Variants in MAML2 observed in about 807,000 individuals in gnomAD.
MAML2 encodes the protein mastermind-like protein 2.
In MAML2, 22 loss-of-function variants were observed where a neutral mutation model predicts 96.1. That is an observed-to-expected ratio of 0.23 (90% CI 0.16 to 0.33). The LOEUF is 0.33. Ranked by LOEUF, MAML2 falls within the 10% of genes least tolerant of loss-of-function variation. MAML2 has a pLI of 1.00. For synonymous variants in MAML2, 561 were observed against 521.3 expected (o/e 1.08, Z -1.04); for missense variants, 1,367 against 1,392.4 (o/e 0.98, Z 0.29).
At chr11:96,083,885 G>A (rs140957617) in intron 2 of MAML2, among the ~76,000 whole-genome samples, 2 of 152,260 alleles carry the variant, frequency 1.3e-5, no homozygotes, top group African/African-American at 4.8e-5. Flanking sequence ...AAGAAGCAGA[G>A]GGAGCTACCA....
Position 96,159,407 on chromosome 11 carries a change from C to CTTTTTTTTTTTTTTTTTT in MAML2, c.514-65908_514-65891dup, listed in dbSNP as rs760811590. 3.5e-4 allele frequency among the ~76,000 whole-genome samples: 32 copies of CTTTTTTTTTTTTTTTTTT among 91,146 alleles called. 3 individuals carry two copies. Among genetic ancestry groups the CTTTTTTTTTTTTTTTTTT allele is most frequent in the African/African-American group, 7.0e-4 (16 of 22,702 alleles). 59.8% of individuals were successfully genotyped at this position (91,146 alleles called of 152,430 possible). A position where few individuals can be genotyped will look rare whatever the true frequency, so the allele number is the denominator to read the frequency against. On this transcript the variant is annotated intron_variant, in intron 1 of 4. Coordinates refer to ENST00000524717, the MANE Select transcript of MAML2 (RefSeq NM_032427.4). ...TAACCGTGCCTCTAAACCACTGATT[C>CTTTTTTTTTTTTTTTTTT]TTTTTTTTTTTTTTTTTTTTTTTGA...
chr11:96,333,799 T>C (rs1041442465), intron 1 of MAML2, among the ~76,000 whole-genome samples: 2 of 152,214 alleles, frequency 1.3e-5, no homozygotes, highest in Non-Finnish European at 2.9e-5. Flanking sequence ...TAGGACCAAA[T>C]TCACTTAAGA....
intron 1 of MAML2, among the ~76,000 whole-genome samples, chr11:96,164,166 G>A (rs925235801): frequency 3.9e-5 from 6 of 152,002 alleles, no homozygotes; most frequent in Non-Finnish European, 5.9e-5. Context: ...ATGAGCCACC[G>A]TGCCCAGCCA....
intron 4 of MAML2, among the ~76,000 whole-genome samples, chr11:95,982,715 G>A (rs879286314): frequency 6.6e-6 from 1 of 152,068 alleles, no homozygotes; most frequent in Non-Finnish European, 1.5e-5. Flanking sequence ...ATAGGCCATG[G>A]TATTAAAAAA....
At chr11:96,224,736 A>G (rs973839810) in intron 1 of MAML2, among the ~76,000 whole-genome samples, 7 of 152,222 alleles carry the variant, frequency 4.6e-5, no homozygotes, top group Admixed American at 4.6e-4. Context: ...CACATGACAT[A>G]GTAATTGGCA....
chr11:96,036,028 T>C (rs1473579056), intron 2 of MAML2, among the ~76,000 whole-genome samples: 3 of 152,154 alleles, frequency 2.0e-5, no homozygotes, highest in African/African-American at 7.2e-5. Flanking sequence ...AAACAGAATA[T>C]AACTGAATAA....
intron 1 of MAML2, among the ~76,000 whole-genome samples, chr11:96,111,743 T>G (rs1860127768): frequency 6.6e-6 from 1 of 152,200 alleles, no homozygotes; most frequent in Non-Finnish European, 1.5e-5. Flanking sequence ...AGAATACAAG[T>G]GTTTGATTTT....
At chr11:96,243,921 G>A (rs1450138170) in intron 1 of MAML2, among the ~76,000 whole-genome samples, 1 of 152,178 alleles carries the variant, frequency 6.6e-6, no homozygotes. Context: ...GATTACTGGC[G>A]TGAGCCACCG....
At chr11:96,111,971 CTA>C (rs1360889089) in intron 1 of MAML2, among the ~76,000 whole-genome samples, 1 of 151,570 alleles carries the variant, frequency 6.6e-6, no homozygotes, top group Non-Finnish European at 1.5e-5. Flanking sequence ...AAGAAAGTTG[CTA>C]TAGTAACAAT....
intron 2 of MAML2, among the ~76,000 whole-genome samples, chr11:96,020,427 T>C (rs1288030984): frequency 6.6e-6 from 1 of 152,232 alleles, no homozygotes; most frequent in Non-Finnish European, 1.5e-5. Context: ...ATCTAACTTA[T>C]GGCCAATTTC....
intron 1 of MAML2, among the ~76,000 whole-genome samples, chr11:96,134,198 C>G (rs959422268): frequency 1.3e-5 from 2 of 152,098 alleles, no homozygotes; most frequent in Non-Finnish European, 2.9e-5. Context: ...GGACACAGGA[C>G]TCTATTTTTT....
At chr11:96,043,023 G>A (rs911073961) in intron 2 of MAML2, among the ~76,000 whole-genome samples, 1 of 152,192 alleles carries the variant, frequency 6.6e-6, no homozygotes, top group African/African-American at 2.4e-5. Context: ...TGGGATTACA[G>A]GCATGAGCCA....
intron 1 of MAML2, among the ~76,000 whole-genome samples, chr11:96,200,494 G>A (rs1861804735): frequency 6.6e-6 from 1 of 152,190 alleles, no homozygotes; most frequent in Non-Finnish European, 1.5e-5. Context: ...CTGTGCCTAA[G>A]AGCAAAACAA....
chr11:96,115,309 G>A (rs1860215281), intron 1 of MAML2, among the ~76,000 whole-genome samples: 1 of 151,946 alleles, frequency 6.6e-6, no homozygotes, highest in South Asian at 2.1e-4. Context: ...GACTACAGGT[G>A]TGTACCATCA....
intron 2 of MAML2, among the ~76,000 whole-genome samples, chr11:96,029,183 C>A (rs1342444748): frequency 7.2e-6 from 1 of 139,216 alleles, no homozygotes; most frequent in African/African-American, 2.7e-5. Context: ...TTTTTTTTAA[C>A]ATCAAATAAT....
At chr11:96,089,458 C>A (rs966183726) in intron 2 of MAML2, among the ~76,000 whole-genome samples, 2 of 152,178 alleles carry the variant, frequency 1.3e-5, no homozygotes, top group African/African-American at 4.8e-5. Flanking sequence ...AGCAGCATTA[C>A]CTGACTTGAC....
chr11:96,029,599 G>T (rs369992216), intron 2 of MAML2, among the ~76,000 whole-genome samples: 8 of 152,136 alleles, frequency 5.3e-5, no homozygotes, highest in Admixed American at 2.0e-4. Context: ...ATGGTACTAG[G>T]AGGAAATTCT....
At chr11:96,159,819 G>A (rs141601132) in intron 1 of MAML2, among the ~76,000 whole-genome samples, 57 of 152,270 alleles carry the variant, frequency 3.7e-4, no homozygotes, top group Middle Eastern at 6.8e-3. Context: ...AGTAGGGCCT[G>A]GAAATTTGCA....
chr11:95,994,511 G>A (rs1317673109), intron 2 of MAML2, among the ~76,000 whole-genome samples: 1 of 152,124 alleles, frequency 6.6e-6, no homozygotes, highest in African/African-American at 2.4e-5. Context: ...AATACATGGA[G>A]GATTGGGGGC....
Sources: allele counts gnomAD v4.1 joint callset (sites outside exome capture counted in the v4.1 genomes callset), GRCh38; gene constraint gnomAD v4.1.1; transcripts MANE v1.5; gene names NCBI Gene and HGNC (gene_info 2026-07-23, HGNC 2026-07-21).